SORCS1: variants seen among roughly 807,000 people sequenced by gnomAD.
SORCS1 encodes the protein VPS10 domain-containing receptor SorCS1.
Under a neutral mutation model 146.1 loss-of-function variants are expected in SORCS1, and 60 were observed. That is an observed-to-expected ratio of 0.41 (90% CI 0.33 to 0.51). The LOEUF is 0.51. SORCS1 is among the 20% of genes least tolerant of loss of function. The probability of loss-of-function intolerance (pLI) is 0.21; values close to 1 mark genes in which losing one functional copy is unlikely to be tolerated. For synonymous variants in SORCS1, 637 were observed against 584.0 expected (o/e 1.09, Z -1.31); for missense variants, 1,352 against 1,487.6 (o/e 0.91, Z 1.50).
intron 1 of SORCS1, among the ~76,000 whole-genome samples, chr10:107,067,644 T>G (rs1396310150): frequency 6.6e-6 from 1 of 152,178 alleles, no homozygotes; most frequent in Non-Finnish European, 1.5e-5. Flanking sequence ...ATGATTTAAT[T>G]TATCATTAAG....
intron 2 of SORCS1, among the ~76,000 whole-genome samples, chr10:106,832,593 T>C (rs1206984844): frequency 6.6e-6 from 1 of 152,152 alleles, no homozygotes; most frequent in Non-Finnish European, 1.5e-5. Flanking sequence ...AGCCTTATTC[T>C]ATCTCCTTTT....
chr10:107,129,116 G>A (rs1252320380), intron 1 of SORCS1, among the ~76,000 whole-genome samples: 1 of 152,184 alleles, frequency 6.6e-6, no homozygotes, highest in Admixed American at 6.5e-5. Context: ...GCTGGAGCAG[G>A]CTTCTTCAGC....
Position 106,657,087 on chromosome 10 carries a change from C to T in SORCS1, c.2304-4534G>A, listed in dbSNP as rs571585494. Among the ~76,000 whole-genome samples, 17 of 152,238 alleles carry T rather than the reference C, an allele frequency of 1.1e-4. No homozygotes were observed. The South Asian group carries it at 2.3e-3, about 20-fold the overall frequency. Reference sequence around the variant, plus strand: ...TAAAATTAGATCTACCATTCAATCCCGCAATCCCACTACTGGGCATCTACC... The same window carrying T: ...TAAAATTAGATCTACCATTCAATCCTGCAATCCCACTACTGGGCATCTACC... On this transcript the variant is annotated intron_variant, in intron 17 of 25. Coordinates refer to ENST00000263054, the MANE Select transcript of SORCS1 (RefSeq NM_052918.5).
chr10:106,794,885 A>G (rs1946477138), intron 3 of SORCS1, among the ~76,000 whole-genome samples: 1 of 152,186 alleles, frequency 6.6e-6, no homozygotes. Flanking sequence ...TACCTGTGTA[A>G]GTCAATAGGT....
chr10:106,851,335 T>C (rs1411732363), intron 2 of SORCS1, among the ~76,000 whole-genome samples: 1 of 152,246 alleles, frequency 6.6e-6, no homozygotes, highest in Admixed American at 6.5e-5. Flanking sequence ...CATTTTACAT[T>C]TAGGTCTATG....
At position 106,679,745 on chromosome 10, in the gene SORCS1, AAAT is replaced by A; in HGVS notation, c.1561-14_1561-12del. ...TAGTGAGCAATAGGGCTGAAAAGAG[AAAT>A]AATAAGTGCCACAAAATCACATAAT... On this transcript the variant is annotated splice_polypyrimidine_tract_variant and intron_variant, in intron 10 of 25. Coordinates refer to ENST00000263054, the MANE Select transcript of SORCS1 (RefSeq NM_052918.5). 2.5e-6 allele frequency: 4 copies of A among 1,590,450 alleles called. No homozygotes were observed. The highest frequency in any genetic ancestry group is 3.4e-6 in the Non-Finnish European group (4 of 1,162,402).
intron 3 of SORCS1, among the ~76,000 whole-genome samples, chr10:106,798,837 T>A (rs987892192): frequency 6.8e-5 from 10 of 147,212 alleles, no homozygotes; most frequent in Admixed American, 6.1e-4. Context: ...GCCATCTCCA[T>A]CAAGCTACCA....
At chr10:106,653,081 T>G (rs985357594) in intron 17 of SORCS1, among the ~76,000 whole-genome samples, 2 of 152,224 alleles carry the variant, frequency 1.3e-5, no homozygotes, top group Non-Finnish European at 1.5e-5. Context: ...ATATTTCTAC[T>G]CAGTCTTTCA....
chr10:107,135,349 T>C (rs1248591233), intron 1 of SORCS1, among the ~76,000 whole-genome samples: 1 of 152,198 alleles, frequency 6.6e-6, no homozygotes, highest in African/African-American at 2.4e-5. Flanking sequence ...CAAAATTAAA[T>C]GCACTGAAGT....
At chr10:106,863,354 G>A (rs916240340) in intron 2 of SORCS1, among the ~76,000 whole-genome samples, 3 of 152,082 alleles carry the variant, frequency 2.0e-5, no homozygotes, top group Non-Finnish European at 2.9e-5. Flanking sequence ...GTGAAACCCT[G>A]TCTGTAGTAA....
chr10:106,857,789 A>G (rs1282302634), intron 2 of SORCS1, among the ~76,000 whole-genome samples: 1 of 152,036 alleles, frequency 6.6e-6, no homozygotes, highest in Non-Finnish European at 1.5e-5. Flanking sequence ...TTTTAAATAC[A>G]GTCACTGGAT....
intron 2 of SORCS1, among the ~76,000 whole-genome samples, chr10:106,927,458 C>A (rs1292920684): frequency 6.6e-6 from 1 of 151,942 alleles, no homozygotes; most frequent in African/African-American, 2.4e-5. Context: ...CAGTGTGGAC[C>A]CAAAGAGTGA....
chr10:106,683,087 C>T (rs821942), intron 10 of SORCS1, among the ~76,000 whole-genome samples: 1 of 152,068 alleles, frequency 6.6e-6, no homozygotes, highest in African/African-American at 2.4e-5. Context: ...AGTGCACAGA[C>T]ACAACCATAC....
chr10:106,688,396 T>C (rs1853034179), intron 9 of SORCS1, 58 bp from the exon 10 acceptor site: 4 of 1,567,284 alleles, frequency 2.6e-6, no homozygotes, highest in Non-Finnish European at 3.5e-6. Context: ...TATATTTGTT[T>C]ACTTTTTAAA....
At chr10:106,885,648 T>G (rs1486340181) in intron 2 of SORCS1, among the ~76,000 whole-genome samples, 2 of 152,138 alleles carry the variant, frequency 1.3e-5, no homozygotes, top group Admixed American at 1.3e-4. Flanking sequence ...TCTTCTAATA[T>G]AGTGTAAGAA....
At chr10:106,975,305 G>C (rs1007373139) in intron 1 of SORCS1, among the ~76,000 whole-genome samples, 2 of 152,144 alleles carry the variant, frequency 1.3e-5, no homozygotes, top group Non-Finnish European at 2.9e-5. Flanking sequence ...AACACTTCTG[G>C]CTACTAGAAT....
chr10:107,022,704 T>C (rs950598556), intron 1 of SORCS1, among the ~76,000 whole-genome samples: 7 of 152,224 alleles, frequency 4.6e-5, no homozygotes, highest in African/African-American at 1.7e-4. Flanking sequence ...CACCTTCATT[T>C]TGCCTGTGGG....
At chr10:106,749,061 A>G (rs1007712815) in intron 5 of SORCS1, among the ~76,000 whole-genome samples, 1 of 152,224 alleles carries the variant, frequency 6.6e-6, no homozygotes, top group Admixed American at 6.5e-5. Context: ...GGAGTTATAC[A>G]TGGTTTCAAA....
intron 18 of SORCS1, among the ~76,000 whole-genome samples, chr10:106,630,972 T>C (rs557516497): frequency 1.4e-4 from 21 of 152,318 alleles, no homozygotes; most frequent in Admixed American, 1.3e-3. Context: ...CAAATTTTGT[T>C]GTTGTTGTTA....
Sources: allele counts gnomAD v4.1 joint callset (sites outside exome capture counted in the v4.1 genomes callset), GRCh38; gene constraint gnomAD v4.1.1; transcripts MANE v1.5; gene names NCBI Gene and HGNC (gene_info 2026-07-23, HGNC 2026-07-21).